NBEAL1: variants seen among roughly 807,000 people sequenced by gnomAD.
NBEAL1 encodes neurobeachin like 1.
In NBEAL1, 273 loss-of-function variants were observed where a neutral mutation model predicts 351.3. The ratio of observed to expected loss-of-function variants is 0.78; its 90% CI spans 0.70 to 0.86. The LOEUF is 0.86. Among genes scored for constraint, NBEAL1 ranks in the 40% least tolerant of loss-of-function variants. The pLI, the probability that NBEAL1 is intolerant of heterozygous loss-of-function variation, is 0.00. For synonymous variants in NBEAL1, 1,050 were observed against 1,086.4 expected (o/e 0.97, Z 0.66); for missense variants, 2,961 against 3,201.3 (o/e 0.92, Z 1.81).
At chr2:203,099,741 T>C (rs564704967) in intron 12 of NBEAL1, 29 bp downstream of exon 12, 2 of 1,454,474 alleles carry the variant, frequency 1.4e-6, no homozygotes, top group Admixed American at 2.4e-5. Flanking sequence ...AGCTTTTTTT[T>C]TTTTCTTAAC....
chr2:203,105,534 T>G (rs1373901992), intron 12 of NBEAL1, among the ~76,000 whole-genome samples: 4 of 152,026 alleles, frequency 2.6e-5, no homozygotes, highest in Admixed American at 2.6e-4. Flanking sequence ...TGTTGAAAGG[T>G]CTGCTGTTAG....
chr2:203,184,074 TAAA>T (rs1170251389), intron 44 of NBEAL1, among the ~76,000 whole-genome samples: 15 of 87,972 alleles, frequency 1.7e-4, no homozygotes, highest in African/African-American at 3.7e-4. Flanking sequence ...CGAGACTGTC[TAAA>T]AAAAAAAAAA....
chr2:203,161,219 T>C (rs2063945844), intron 36 of NBEAL1, among the ~76,000 whole-genome samples: 1 of 146,132 alleles, frequency 6.8e-6, no homozygotes, highest in African/African-American at 2.6e-5. Context: ...CCCAGCTACT[T>C]GGGAGGCTGA....
At chr2:203,192,530 G>T (rs1296401330) in intron 46 of NBEAL1, among the ~76,000 whole-genome samples, 1 of 151,738 alleles carries the variant, frequency 6.6e-6, no homozygotes, top group African/African-American at 2.4e-5. Flanking sequence ...GATTACAGAG[G>T]CCCGCCACCA....
At chr2:203,072,482 C>T (rs2061699511) in intron 7 of NBEAL1, among the ~76,000 whole-genome samples, 1 of 151,778 alleles carries the variant, frequency 6.6e-6, no homozygotes, top group Non-Finnish European at 1.5e-5. Context: ...TTGTGCTTAA[C>T]AGTTTCTTCT....
At chr2:203,057,527 T>A in intron 6 of NBEAL1, 74 bp downstream of exon 6, 1 of 1,309,060 alleles carries the variant, frequency 7.6e-7, no homozygotes, top group Non-Finnish European at 1.0e-6. Context: ...AAGCAGGTCT[T>A]CTCTATGAAA....
chr2:203,086,917 G>A (rs908518640), intron 10 of NBEAL1, among the ~76,000 whole-genome samples: 2 of 152,028 alleles, frequency 1.3e-5, no homozygotes, highest in African/African-American at 2.4e-5. Context: ...AATCAATCTC[G>A]GCTTTTCCTG....
At chr2:203,207,181 G>A (rs1233785523) in intron 51 of NBEAL1, among the ~76,000 whole-genome samples, 1 of 150,630 alleles carries the variant, frequency 6.6e-6, no homozygotes, top group Non-Finnish European at 1.5e-5. Flanking sequence ...CCCTCCGCCC[G>A]GCAGCCGCCC....
At chr2:203,180,046 T>G (rs944046487) in intron 42 of NBEAL1, among the ~76,000 whole-genome samples, 1 of 152,216 alleles carries the variant, frequency 6.6e-6, no homozygotes, top group Non-Finnish European at 1.5e-5. Context: ...AGTGCTGGAA[T>G]TATAGGCGTG....
At chr2:203,215,959 T>A (rs1023094572) in intron 55 of NBEAL1, among the ~76,000 whole-genome samples, 1 of 146,118 alleles carries the variant, frequency 6.8e-6, no homozygotes, top group Non-Finnish European at 1.5e-5. Context: ...TGCAGTGAGC[T>A]GAGGTTGCAC....
intron 2 of NBEAL1, among the ~76,000 whole-genome samples, chr2:203,028,043 C>G (rs2060888407): frequency 1.3e-5 from 2 of 152,208 alleles, no homozygotes; most frequent in Admixed American, 1.3e-4. Context: ...GCCACCACGC[C>G]TAGCTAATTT....
chr2:203,110,773 T>TTC (rs1553611028), intron 15 of NBEAL1, among the ~76,000 whole-genome samples: 5 of 143,330 alleles, frequency 3.5e-5, no homozygotes, highest in Non-Finnish European at 7.7e-5. Context: ...TTTTCTTTTT[T>TTC]TTTTTTTTTT....
intron 10 of NBEAL1, among the ~76,000 whole-genome samples, chr2:203,095,517 C>T (rs1574962119): frequency 6.6e-6 from 1 of 152,254 alleles, no homozygotes; most frequent in East Asian, 2.0e-4. Flanking sequence ...TCTCGAACTC[C>T]TGACCTCAGG....
intron 49 of NBEAL1, among the ~76,000 whole-genome samples, chr2:203,200,838 AT>A (rs1375373140): frequency 6.6e-6 from 1 of 152,226 alleles, no homozygotes; most frequent in Non-Finnish European, 1.5e-5. Flanking sequence ...ACTTCATGAG[AT>A]TAAGGAAAAT....
chr2:203,201,702 C>T lies in NBEAL1; in HGVS notation c.7398C>T (p.Ile2466=), dbSNP rs1306285395. 1.3e-6 allele frequency: 2 copies of T among 1,598,874 alleles called. No individual in the cohort carries two copies. The highest frequency in any genetic ancestry group is 1.3e-5 in the African/African-American group (1 of 74,650). The change falls in exon 50 of 56, where the codon ATC becomes ATT. Residue 2466 remains isoleucine, a synonymous_variant. Coordinates refer to ENST00000683969, the MANE Select transcript of NBEAL1 (RefSeq NM_001378026.1). ...SLTKGKIISH[I]IRHMDIVTCL... is the part of the protein sequence containing the mutation. ...CAAAAGGCAAAATTATCTCACACAT[C>T]ATCCGGCATATGGGTAAGCATTAGC...
chr2:203,068,016 A>G (rs1287034182), intron 6 of NBEAL1, among the ~76,000 whole-genome samples: 1 of 152,248 alleles, frequency 6.6e-6, no homozygotes, highest in East Asian at 1.9e-4. Context: ...AAAGTGGCAG[A>G]GTAGCCTGGA....
chr2:203,210,914 C>A, intron 53 of NBEAL1, 44 bp from the exon 54 acceptor site: 3 of 1,259,534 alleles, frequency 2.4e-6, no homozygotes, highest in Admixed American at 2.4e-5. Context: ...TATAAAAACT[C>A]AGTTTTTATT....
In NBEAL1 at chr2:203,125,957, C is replaced by T. The variant is rs1320830724; in HGVS notation, c.2852-3C>T. On this transcript the variant is annotated splice_polypyrimidine_tract_variant and splice_region_variant and intron_variant, in intron 20 of 55. Coordinates refer to ENST00000683969, the MANE Select transcript of NBEAL1 (RefSeq NM_001378026.1). ...GATAATTAATATGTTCCTGATTCTA[C>T]AGAGTCAAGACTAGAGAGAAACCTA... 1 of 1,507,036 alleles carries T rather than the reference C, an allele frequency of 6.6e-7. No individual in the cohort carries two copies. The highest frequency in any genetic ancestry group is 8.8e-7 in the Non-Finnish European group (1 of 1,130,012). The allele number at this position is 1,507,036 out of a possible 1,614,324, so 93.4% of individuals were successfully genotyped here. A position where few individuals can be genotyped will look rare whatever the true frequency, so the allele number is the denominator to read the frequency against.
At chr2:203,046,904 G>T (rs1395424296) in intron 3 of NBEAL1, among the ~76,000 whole-genome samples, 2 of 152,210 alleles carry the variant, frequency 1.3e-5, no homozygotes, top group Non-Finnish European at 2.9e-5. Context: ...GTCGGATGCA[G>T]TGGCTTCTGC....
Sources: gnomAD v4.1 joint callset for allele counts (sites outside exome capture counted in the v4.1 genomes callset) on GRCh38, gnomAD v4.1.1 for gene constraint, MANE v1.5 for transcripts, NCBI Gene and HGNC (gene_info 2026-07-23, HGNC 2026-07-21) for gene names.